PDE8A: variants seen among roughly 807,000 people sequenced by gnomAD.
The protein encoded by PDE8A is high affinity cAMP-specific and IBMX-insensitive 3',5'-cyclic phosphodiesterase 8A.
A neutral mutation model predicts 105.0 loss-of-function variants in PDE8A; 59 were observed. That is an observed-to-expected ratio of 0.56 (90% confidence interval 0.46 to 0.70). PDE8A has a LOEUF of 0.70. Ranked by LOEUF, PDE8A falls within the 30% of genes least tolerant of loss-of-function variation. The probability of loss-of-function intolerance (pLI) is 0.00; values close to 1 mark genes in which losing one functional copy is unlikely to be tolerated. For missense variants in PDE8A, 1,014 were observed against 1,045.9 expected (o/e 0.97, Z 0.42); for synonymous variants, 355 against 371.9 (o/e 0.95, Z 0.52).
Position 84,982,222 on chromosome 15 carries a change from C to A in PDE8A, c.60C>A (p.Ser20Arg). ...SERLVAEDAP[S>R]PAAPPLSSGG... is the part of the protein sequence containing the mutation. ...GCCTGGTGGCCGAGGACGCGCCTAG[C>A]CCCGCGGCACCGCCGCTGTCGTCCG... is the stretch of plus-strand genomic sequence containing the variant. The change falls in exon 1 of 22, where the codon AGC becomes AGA. Residue 20 changes from serine (S) to arginine (R), a missense_variant. Ser to Arg is a moderately radical substitution (Grantham distance 110, BLOSUM62 -1). Transcript: ENST00000394553. 6.8e-7 allele frequency: 1 copy of A among 1,480,136 alleles called. No homozygotes were observed. Among genetic ancestry groups the A allele is most frequent in the Non-Finnish European group, 8.9e-7 (1 of 1,123,554 alleles). 91.7% of individuals were successfully genotyped at this position (1,480,136 alleles called of 1,614,324 possible).
intron 11 of PDE8A, among the ~76,000 whole-genome samples, chr15:85,105,312 C>T (rs1326762427): frequency 6.6e-6 from 1 of 152,124 alleles, no homozygotes; most frequent in Non-Finnish European, 1.5e-5. Flanking sequence ...GTCCTGTGGG[C>T]TTGGCAGTTT....
chr15:84,995,562 C>A (rs1161337054), intron 1 of PDE8A, among the ~76,000 whole-genome samples: 1 of 152,152 alleles, frequency 6.6e-6, no homozygotes, highest in Non-Finnish European at 1.5e-5. Flanking sequence ...CTCAAGCAGT[C>A]CTCCTGCCTC....
At chr15:85,099,450 TG>T (rs1225971095) in intron 9 of PDE8A, among the ~76,000 whole-genome samples, 9 of 152,220 alleles carry the variant, frequency 5.9e-5, no homozygotes, top group Admixed American at 5.9e-4. Context: ...CCAATTTTTT[TG>T]TGGTAAGTAT....
chr15:85,125,144 T>G (rs2082240421), intron 19 of PDE8A, among the ~76,000 whole-genome samples: 1 of 152,112 alleles, frequency 6.6e-6, no homozygotes, highest in African/African-American at 2.4e-5. Context: ...CGGTGTAGTA[T>G]TCATTTTGGC....
intron 21 of PDE8A, among the ~76,000 whole-genome samples, chr15:85,136,889 C>T (rs2082419595): frequency 6.6e-6 from 1 of 152,124 alleles, no homozygotes; most frequent in Non-Finnish European, 1.5e-5. Context: ...CGGGATTGAA[C>T]TTGGGGCCCC....
At position 85,078,701 on chromosome 15, in the gene PDE8A, A is replaced by G. The variant is rs924180809; in HGVS notation, c.546+1914A>G. On this transcript the variant is annotated intron_variant, in intron 5 of 21. Coordinates refer to ENST00000394553, the MANE Select transcript of PDE8A (RefSeq NM_002605.3). Reference sequence around the variant, plus strand: ...GTAACTAGCAGATCCTCACAAGGAAATGCTAAAGGATATACTTCAACCAGA... The same window carrying G: ...GTAACTAGCAGATCCTCACAAGGAAGTGCTAAAGGATATACTTCAACCAGA... Among the ~76,000 whole-genome samples, 28 of 152,210 alleles carry G rather than the reference A, an allele frequency of 1.8e-4. 1 individual carries two copies. The highest frequency in any genetic ancestry group is 1.5e-5 in the Non-Finnish European group (1 of 68,036).
intron 1 of PDE8A, among the ~76,000 whole-genome samples, chr15:84,982,885 A>G (rs1407924891): frequency 6.6e-6 from 1 of 152,204 alleles, no homozygotes; most frequent in Non-Finnish European, 1.5e-5. Context: ...GCTTTGCTTC[A>G]TTGCACATGT....
intron 6 of PDE8A, 87 bp from the exon 7 acceptor site, chr15:85,089,250 CA>C (rs1294543830): frequency 3.6e-5 from 27 of 742,152 alleles, no homozygotes; most frequent in South Asian, 3.3e-4. Flanking sequence ...ATAAATCGGA[CA>C]AAAAATACAT....
intron 20 of PDE8A, among the ~76,000 whole-genome samples, chr15:85,133,589 T>G (rs956334798): frequency 1.1e-4 from 16 of 152,188 alleles, no homozygotes; most frequent in African/African-American, 3.9e-4. Context: ...TTTTGACTGT[T>G]TTCCAGAGTT....
At chr15:85,031,976 T>A (rs771609715) in intron 1 of PDE8A, among the ~76,000 whole-genome samples, 1 of 152,222 alleles carries the variant, frequency 6.6e-6, no homozygotes, top group Non-Finnish European at 1.5e-5. Context: ...TTTTGTTCCC[T>A]GGCACACACC....
At chr15:85,071,693 G>A (rs62019481) in intron 3 of PDE8A, among the ~76,000 whole-genome samples, 11,887 of 152,240 alleles carry the variant, frequency 0.078, 605 homozygotes, top group Middle Eastern at 0.13. Context: ...GACAGCTGCT[G>A]ACACCAAGGG....
intron 20 of PDE8A, among the ~76,000 whole-genome samples, chr15:85,131,904 A>T (rs1333962507): frequency 1.3e-5 from 2 of 152,170 alleles, no homozygotes; most frequent in Non-Finnish European, 2.9e-5. Context: ...AGCACTTCAT[A>T]TATATAATTT....
chr15:84,995,265 A>C (rs2079956807), intron 1 of PDE8A, among the ~76,000 whole-genome samples: 1 of 151,128 alleles, frequency 6.6e-6, no homozygotes, highest in African/African-American at 2.4e-5. Flanking sequence ...CTTACCACAG[A>C]TTAGTTTTGC....
rs904237128 is a variant in PDE8A, at chr15:85,138,263, T to G, written c.*360T>G. ...GTCTATTGCAAACAATTCTCTCAGT[T>G]ACGTTCAGCACTTAAGAACGGCTAA... On this transcript the variant is annotated 3_prime_UTR_variant, in exon 22 of 22. Coordinates refer to ENST00000394553, the MANE Select transcript of PDE8A (RefSeq NM_002605.3). 1 of 181,060 alleles carries G rather than the reference T, an allele frequency of 5.5e-6. No individual in the cohort carries two copies. The highest frequency in any genetic ancestry group is 1.2e-5 in the Non-Finnish European group (1 of 86,766). 11.2% of individuals were successfully genotyped at this position (181,060 alleles called of 1,614,324 possible).
At chr15:85,053,261 T>C (rs1337786666) in intron 1 of PDE8A, among the ~76,000 whole-genome samples, 1 of 152,250 alleles carries the variant, frequency 6.6e-6, no homozygotes, top group African/African-American at 2.4e-5. Flanking sequence ...GCGTGATGCC[T>C]CCAACTTTGT....
intron 20 of PDE8A, among the ~76,000 whole-genome samples, chr15:85,134,496 C>T (rs753094224): frequency 2.6e-5 from 4 of 151,990 alleles, no homozygotes; most frequent in Non-Finnish European, 5.9e-5. Context: ...GGGCTGCCAA[C>T]AGCAGGGCCT....
rs1439606336 is a variant in PDE8A at position 85,104,458 on chromosome 15, G to A, written c.1036+4260G>A. On this transcript the variant is annotated intron_variant, in intron 11 of 21. Coordinates refer to ENST00000394553, the MANE Select transcript of PDE8A (RefSeq NM_002605.3). Reference sequence around the variant, plus strand: ...TCTTTATAAATAGGTAAATGGGAAAGGGTCAGGTCTTAGGAAGACAGTCAT... The same window carrying A: ...TCTTTATAAATAGGTAAATGGGAAAAGGTCAGGTCTTAGGAAGACAGTCAT... Among the ~76,000 whole-genome samples, 4 of 152,062 alleles carry A rather than the reference G, an allele frequency of 2.6e-5. No individual in the cohort carries two copies. In the South Asian group the frequency reaches 8.3e-4, roughly 32 times the overall value.
At chr15:85,049,696 C>T (rs546885974) in intron 1 of PDE8A, among the ~76,000 whole-genome samples, 30 of 152,306 alleles carry the variant, frequency 2.0e-4, no homozygotes, top group Non-Finnish European at 2.6e-4. Flanking sequence ...TGCAGGCACA[C>T]GCCACCACTC....
chr15:85,061,235 A>T (rs2081139423), intron 1 of PDE8A, among the ~76,000 whole-genome samples: 1 of 149,982 alleles, frequency 6.7e-6, no homozygotes, highest in African/African-American at 2.5e-5. Context: ...CTTCTTTTTT[A>T]TTTATTTATT....
Sources: gnomAD v4.1 joint callset for allele counts (sites outside exome capture counted in the v4.1 genomes callset) on GRCh38, gnomAD v4.1.1 for gene constraint, MANE v1.5 for transcripts, NCBI Gene and HGNC (gene_info 2026-07-23, HGNC 2026-07-21) for gene names.